GPHN: variants seen among roughly 807,000 people sequenced by gnomAD.
GPHN encodes gephyrin.
GPHN carries 17 observed loss-of-function variants against 95.5 expected under a neutral mutation model. The ratio of observed to expected loss-of-function variants is 0.18; its 90% CI spans 0.12 to 0.27. The LOEUF (loss-of-function observed/expected upper bound fraction) is 0.27, where lower values mean the gene tolerates loss of function less well. Among genes scored for constraint, GPHN ranks in the 10% least tolerant of loss-of-function variants. The pLI is 1.00. For synonymous variants in GPHN, 320 were observed against 322.5 expected (o/e 0.99, Z 0.08); for missense variants, 660 against 978.1 (o/e 0.67, Z 4.34).
At chr14:67,733,860 G>C in the GPHN span, 10 of 1,590,422 alleles carry the variant, frequency 6.3e-6, no homozygotes, top group Admixed American at 1.5e-4. Flanking sequence ...TGGTGGAAGA[G>C]CTGCAGCTTT....
At chr14:66,571,253 C>T (rs968946342) in intron 1 of GPHN, among the ~76,000 whole-genome samples, 13 of 152,092 alleles carry the variant, frequency 8.5e-5, no homozygotes, top group Non-Finnish European at 1.9e-4. Flanking sequence ...ACCATCAGGC[C>T]TTATGAGAAC....
At chr14:67,149,883 C>A (rs2081148487) in intron 18 of GPHN, among the ~76,000 whole-genome samples, 1 of 152,170 alleles carries the variant, frequency 6.6e-6, no homozygotes, top group East Asian at 1.9e-4. Flanking sequence ...TACAGCCTTT[C>A]CAGCAAAATA....
At chr14:67,212,367 C>T in the GPHN span, among the ~76,000 whole-genome samples, 5 of 151,716 alleles carry the variant, frequency 3.3e-5, no homozygotes, top group South Asian at 2.1e-4. Flanking sequence ...ATGGGCAGAT[C>T]GCTCAAGCCA....
At chr14:67,735,335 A>G in the GPHN span, 1 of 780,350 alleles carries the variant, frequency 1.3e-6, no homozygotes, top group Non-Finnish European at 2.4e-6. Flanking sequence ...CAAAAGGACC[A>G]TCTAGTCTGC....
chr14:67,308,378 C>T, the GPHN span, among the ~76,000 whole-genome samples: 2 of 149,978 alleles, frequency 1.3e-5, no homozygotes, highest in Admixed American at 6.7e-5. Flanking sequence ...ATAGCCTTAC[C>T]TTCATGAGTA....
At chr14:67,710,459 C>T in the GPHN span, among the ~76,000 whole-genome samples, 2 of 152,148 alleles carry the variant, frequency 1.3e-5, no homozygotes, top group African/African-American at 4.8e-5. Context: ...CCTTTTGTGA[C>T]ATGCTTGGAC....
intron 1 of GPHN, among the ~76,000 whole-genome samples, chr14:66,666,302 A>G (rs1369915949): frequency 1.3e-5 from 2 of 150,782 alleles, no homozygotes; most frequent in Non-Finnish European, 3.0e-5. Context: ...CCAACCACCC[A>G]AAAAAGGAAA....
chr14:67,563,361 G>A, the GPHN span, among the ~76,000 whole-genome samples: 1 of 151,948 alleles, frequency 6.6e-6, no homozygotes, highest in African/African-American at 2.4e-5. Flanking sequence ...ACTTACAGTA[G>A]TGGTTCACAG....
At chr14:66,611,194 A>G (rs770273887) in intron 1 of GPHN, among the ~76,000 whole-genome samples, 1 of 152,124 alleles carries the variant, frequency 6.6e-6, no homozygotes, top group Non-Finnish European at 1.5e-5. Context: ...TTTTACTAGT[A>G]ATTTAGTTAC....
chr14:67,395,516 C>T, the GPHN span: 11 of 1,613,958 alleles, frequency 6.8e-6, no homozygotes, highest in East Asian at 8.9e-5. Context: ...CCAGGCATCC[C>T]GCTCCTCTCG....
At chr14:66,950,420 A>G (rs986193969) in intron 8 of GPHN, among the ~76,000 whole-genome samples, 1 of 151,902 alleles carries the variant, frequency 6.6e-6, no homozygotes, top group Non-Finnish European at 1.5e-5. Context: ...AATTTCCCCT[A>G]TTTTCTCCTC....
chr14:67,261,677 A>T, the GPHN span, among the ~76,000 whole-genome samples: 1 of 152,148 alleles, frequency 6.6e-6, no homozygotes, highest in African/African-American at 2.4e-5. Flanking sequence ...GAATGTTGGT[A>T]GCCTAGTATC....
intron 1 of GPHN, among the ~76,000 whole-genome samples, chr14:66,516,114 C>G (rs1351331421): frequency 6.6e-6 from 1 of 151,426 alleles, no homozygotes; most frequent in Non-Finnish European, 1.5e-5. Context: ...TCAAGTGATT[C>G]TCCTGCCTCA....
the GPHN span, among the ~76,000 whole-genome samples, chr14:67,438,642 C>T: frequency 6.6e-6 from 1 of 152,124 alleles, no homozygotes; most frequent in Non-Finnish European, 1.5e-5. Context: ...GGGTGGATCA[C>T]TTGAAGTCAG....
the GPHN span, among the ~76,000 whole-genome samples, chr14:67,244,488 TTAACTC>T: frequency 1.3e-5 from 2 of 152,222 alleles, no homozygotes; most frequent in Admixed American, 1.3e-4. Flanking sequence ...TAAAAAATAT[TTAACTC>T]TAATTTACAT....
intron 10 of GPHN, among the ~76,000 whole-genome samples, chr14:67,044,815 C>G (rs2074915823): frequency 1.3e-5 from 2 of 151,168 alleles, no homozygotes. Flanking sequence ...CTCTGTCTCT[C>G]TCGTCTCTGT....
At chr14:66,817,003 T>G (rs926430201) in intron 3 of GPHN, among the ~76,000 whole-genome samples, 3 of 152,146 alleles carry the variant, frequency 2.0e-5, no homozygotes, top group East Asian at 3.8e-4. Flanking sequence ...ATGTTTTTTA[T>G]TGTTAAATAA....
chr14:67,152,594 A>G (rs2081345462), intron 18 of GPHN, among the ~76,000 whole-genome samples: 2 of 152,242 alleles, frequency 1.3e-5, no homozygotes, highest in Admixed American at 1.3e-4. Flanking sequence ...TAATAGATGC[A>G]AAACTGATCT....
intron 4 of GPHN, among the ~76,000 whole-genome samples, chr14:66,843,257 T>G (rs1176107498): frequency 6.6e-6 from 1 of 152,176 alleles, no homozygotes; most frequent in Non-Finnish European, 1.5e-5. Flanking sequence ...TATTTTAGCA[T>G]TTTAGACTGC....
Sources: allele counts gnomAD v4.1 joint callset (sites outside exome capture counted in the v4.1 genomes callset), GRCh38; gene constraint gnomAD v4.1.1; transcripts MANE v1.5; gene names NCBI Gene and HGNC (gene_info 2026-07-23, HGNC 2026-07-21).